Variants in NELL1 observed in about 807,000 individuals in gnomAD.
NELL1 encodes neural EGFL like 1, also known as protein kinase C-binding protein NELL1.
Under a neutral mutation model 107.4 loss-of-function variants are expected in NELL1, and 76 were observed. The observed-to-expected ratio is 0.71, with a 90% confidence interval of 0.59 to 0.86. The LOEUF (loss-of-function observed/expected upper bound fraction) is 0.86. Ranked by LOEUF, NELL1 falls within the 40% of genes least tolerant of loss-of-function variation. NELL1 has a pLI of 0.00. For missense variants in NELL1, 1,024 were observed against 1,005.5 expected (o/e 1.02, Z -0.25); for synonymous variants, 353 against 341.2 (o/e 1.03, Z -0.38).
chr11:20,681,914 T>A (rs1854198944), intron 2 of NELL1, among the ~76,000 whole-genome samples: 2 of 152,210 alleles, frequency 1.3e-5, no homozygotes, highest in Non-Finnish European at 2.9e-5. Context: ...GTCATCATAT[T>A]ATCTTCTCTG....
At chr11:20,726,535 T>C (rs1040371030) in intron 2 of NELL1, among the ~76,000 whole-genome samples, 13 of 152,078 alleles carry the variant, frequency 8.5e-5, no homozygotes, top group African/African-American at 3.1e-4. Context: ...GAAAAATCTT[T>C]GTTCCTGCTT....
chr11:21,199,903 T>G (rs1223978316), intron 13 of NELL1, among the ~76,000 whole-genome samples: 3 of 152,058 alleles, frequency 2.0e-5, no homozygotes, highest in African/African-American at 7.2e-5. Flanking sequence ...GGTGTTTGGT[T>G]TTCTGTTCTT....
chr11:20,891,277 A>G (rs1026824535), intron 5 of NELL1, among the ~76,000 whole-genome samples: 3 of 152,198 alleles, frequency 2.0e-5, no homozygotes, highest in Non-Finnish European at 2.9e-5. Flanking sequence ...TCATAAGAGA[A>G]TGAGAAATAA....
chr11:20,803,058 G>A (rs1857310986), intron 3 of NELL1, among the ~76,000 whole-genome samples: 1 of 152,094 alleles, frequency 6.6e-6, no homozygotes, highest in Non-Finnish European at 1.5e-5. Flanking sequence ...TTTGGTTTTG[G>A]TATTAGGGTA....
At chr11:20,877,773 T>G (rs1849333619) in intron 4 of NELL1, among the ~76,000 whole-genome samples, 1 of 152,184 alleles carries the variant, frequency 6.6e-6, no homozygotes, top group African/African-American at 2.4e-5. Flanking sequence ...GGTATTATAT[T>G]AGAAATGAGA....
At chr11:21,290,398 G>GATAAATAAATAAATAAATAAATAA (rs367977438) in intron 14 of NELL1, among the ~76,000 whole-genome samples, 1 of 146,400 alleles carries the variant, frequency 6.8e-6, no homozygotes, top group Non-Finnish European at 1.5e-5. Context: ...AAAATAAATA[G>GATAAATAAATAAATAAATAAATAA]ATAAATAAAT....
chr11:21,538,155 TATG>T (rs1277201791), intron 16 of NELL1, among the ~76,000 whole-genome samples: 1 of 152,152 alleles, frequency 6.6e-6, no homozygotes, highest in Non-Finnish European at 1.5e-5. Flanking sequence ...TATACTCAGC[TATG>T]TTTTTTTCTT....
At chr11:21,312,451 T>C (rs1210194089) in intron 14 of NELL1, among the ~76,000 whole-genome samples, 1 of 152,064 alleles carries the variant, frequency 6.6e-6, no homozygotes, top group Admixed American at 6.6e-5. Context: ...AGAAAAATAA[T>C]TTAATAACAT....
intron 15 of NELL1, among the ~76,000 whole-genome samples, chr11:21,515,853 T>C (rs1855548605): frequency 6.6e-6 from 1 of 152,112 alleles, no homozygotes; most frequent in African/African-American, 2.4e-5. Context: ...TCACTACAAG[T>C]TGAGGAGGTA....
intron 15 of NELL1, among the ~76,000 whole-genome samples, chr11:21,513,676 A>G (rs1855492794): frequency 6.6e-6 from 1 of 152,210 alleles, no homozygotes. Context: ...TCAAGTATTG[A>G]GCATGGACTC....
chr11:20,698,826 A>G (rs1193966935), intron 2 of NELL1, among the ~76,000 whole-genome samples: 1 of 152,130 alleles, frequency 6.6e-6, no homozygotes, highest in Non-Finnish European at 1.5e-5. Context: ...CCCGAAGTCC[A>G]TTATATTATT....
At chr11:21,160,227 C>T (rs1177751383) in intron 13 of NELL1, among the ~76,000 whole-genome samples, 3 of 152,134 alleles carry the variant, frequency 2.0e-5, no homozygotes, top group Admixed American at 1.3e-4. Flanking sequence ...AAAACTGCAG[C>T]GTTGTGCCAT....
intron 14 of NELL1, chr11:21,283,970 G>T: frequency 3.0e-6 from 1 of 336,632 alleles, no homozygotes; most frequent in Non-Finnish European, 5.9e-6. Context: ...TCCTGGAGAT[G>T]GCACTGGGAC....
chr11:20,971,998 G>A (rs763271061), intron 12 of NELL1, among the ~76,000 whole-genome samples: 2 of 151,248 alleles, frequency 1.3e-5, no homozygotes, highest in African/African-American at 2.4e-5. Context: ...GCACAGGGAG[G>A]GGAACAACAG....
chr11:20,725,302 G>A (rs924953260), intron 2 of NELL1, among the ~76,000 whole-genome samples: 10 of 152,208 alleles, frequency 6.6e-5, no homozygotes, highest in African/African-American at 2.2e-4. Context: ...CAGGTTGCAT[G>A]TGCCTGGATG....
intron 12 of NELL1, among the ~76,000 whole-genome samples, chr11:21,048,216 G>A (rs890143838): frequency 6.6e-6 from 1 of 152,020 alleles, no homozygotes; most frequent in Non-Finnish European, 1.5e-5. Flanking sequence ...CTGGTGAAAA[G>A]AGATCTGGAG....
At chr11:21,198,571 C>T (rs1402210256) in intron 13 of NELL1, among the ~76,000 whole-genome samples, 1 of 152,174 alleles carries the variant, frequency 6.6e-6, no homozygotes, top group Non-Finnish European at 1.5e-5. Context: ...TGTCAGGAAG[C>T]TTAATTTTCC....
chr11:21,164,961 T>C (rs1192059515), intron 13 of NELL1, among the ~76,000 whole-genome samples: 1 of 152,238 alleles, frequency 6.6e-6, no homozygotes, highest in Non-Finnish European at 1.5e-5. Flanking sequence ...ACTTTCTCAC[T>C]GACATTCCTT....
intron 15 of NELL1, among the ~76,000 whole-genome samples, chr11:21,528,854 A>T (rs1170976190): frequency 6.6e-6 from 1 of 152,108 alleles, no homozygotes; most frequent in East Asian, 1.9e-4. Context: ...CTTTTAGCAA[A>T]AAACTTCTTC....
Sources: allele counts gnomAD v4.1 joint callset (sites outside exome capture counted in the v4.1 genomes callset), GRCh38; gene constraint gnomAD v4.1.1; transcripts MANE v1.5; gene names NCBI Gene and HGNC (gene_info 2026-07-23, HGNC 2026-07-21).